MACROD1: variants seen among roughly 807,000 people sequenced by gnomAD.
MACROD1 encodes ADP-ribose glycohydrolase MACROD1.
MACROD1 carries 31 observed loss-of-function variants against 41.4 expected under a neutral mutation model. The ratio of observed to expected loss-of-function variants is 0.75; its 90% CI spans 0.56 to 1.01. The LOEUF (loss-of-function observed/expected upper bound fraction) is 1.01. Among genes scored for constraint, MACROD1 ranks in the 50% least tolerant of loss-of-function variants. The pLI is 0.00. For synonymous variants in MACROD1, 252 were observed against 203.4 expected, an observed-to-expected ratio of 1.24 and a Z score of -2.03; for missense variants, 473 against 460.0, an observed-to-expected ratio of 1.03 and a Z score of -0.26.
At chr11:64,117,032 G>C (rs1944997679) in intron 3 of MACROD1, 1 of 1,610,788 alleles carries the variant, frequency 6.2e-7, no homozygotes, top group Non-Finnish European at 8.5e-7. Context: ...AGCTCTCGCT[G>C]GTGCGCAATT....
intron 4 of MACROD1, among the ~76,000 whole-genome samples, chr11:64,006,829 C>T (rs12283313): frequency 0.046 from 6,950 of 152,248 alleles, 188 homozygotes; most frequent in Middle Eastern, 0.088. Flanking sequence ...AAAATGGAGA[C>T]GCTAATGATG....
At chr11:64,062,587 T>C (rs772869575) in intron 3 of MACROD1, among the ~76,000 whole-genome samples, 4 of 152,190 alleles carry the variant, frequency 2.6e-5, no homozygotes, top group South Asian at 2.1e-4. Context: ...AACACCACCA[T>C]GTACAGGCAC....
intron 3 of MACROD1, among the ~76,000 whole-genome samples, chr11:64,017,796 CCTCT>C (rs1263862140): frequency 6.6e-6 from 1 of 152,084 alleles, no homozygotes; most frequent in East Asian, 1.9e-4. Context: ...CCCCCCATCA[CCTCT>C]CTCTCTTAAT....
chr11:64,100,887 G>A (rs17158803), intron 3 of MACROD1, among the ~76,000 whole-genome samples: 7,308 of 152,222 alleles, frequency 0.048, 253 homozygotes, highest in East Asian at 0.18. Flanking sequence ...AGGGAAGGTG[G>A]ACTGAGGACA....
At chr11:64,157,092 G>T (rs984201710) in intron 1 of MACROD1, among the ~76,000 whole-genome samples, 7 of 149,944 alleles carry the variant, frequency 4.7e-5, no homozygotes, top group African/African-American at 9.8e-5. Flanking sequence ...GCATTTCTGT[G>T]TTTTTTTTTT....
chr11:64,121,556 C>G (rs1369423637), intron 3 of MACROD1, among the ~76,000 whole-genome samples: 2 of 152,218 alleles, frequency 1.3e-5, no homozygotes, highest in Admixed American at 1.3e-4. Flanking sequence ...AAGCTAGGTC[C>G]GTTCTGAAAC....
chr11:64,097,718 G>A (rs1302900498), intron 3 of MACROD1, among the ~76,000 whole-genome samples: 3 of 152,360 alleles, frequency 2.0e-5, no homozygotes, highest in East Asian at 3.9e-4. Flanking sequence ...GCCATGCAGC[G>A]GTGCCAAGCC....
intron 3 of MACROD1, among the ~76,000 whole-genome samples, chr11:64,031,138 C>G (rs1943288385): frequency 6.6e-6 from 1 of 152,122 alleles, no homozygotes; most frequent in African/African-American, 2.4e-5. Context: ...CTGGCAGCCT[C>G]CCCGGTGCCA....
chr11:64,022,534 T>G (rs921787695), intron 3 of MACROD1, among the ~76,000 whole-genome samples: 1 of 152,154 alleles, frequency 6.6e-6, no homozygotes, highest in Non-Finnish European at 1.5e-5. Flanking sequence ...AGGCCAGCGG[T>G]GGGTATCCGT....
intron 3 of MACROD1, among the ~76,000 whole-genome samples, chr11:64,087,960 G>A (rs533426771): frequency 6.6e-6 from 1 of 152,306 alleles, no homozygotes; most frequent in South Asian, 2.1e-4. Flanking sequence ...GGCCTCCTCA[G>A]CTGTTCGAGG....
Position 64,065,789 on chromosome 11 carries a change from C to CAAA in MACROD1, c.518-50511_518-50509dup, listed in dbSNP as rs58096977. Among the ~76,000 whole-genome samples the CAAA allele has an allele frequency of 3.1e-3, 212 of 67,514 alleles. 1 individual carries two copies. The highest frequency in any genetic ancestry group is 8.5e-3 in the African/African-American group (190 of 22,418). 44.3% of individuals were successfully genotyped at this position (67,514 alleles called of 152,430 possible). ...TGGGCGACAGAGCACGACTCCGCCT[C>CAAA]AAAAAAAAAAAAAAAAAAAAAGATG... On this transcript the variant is annotated intron_variant, in intron 3 of 10. Transcript: ENST00000255681.
chr11:64,061,582 G>A (rs1943904855), intron 3 of MACROD1, among the ~76,000 whole-genome samples: 1 of 152,212 alleles, frequency 6.6e-6, no homozygotes, highest in African/African-American at 2.4e-5. Context: ...TTGCTGCATT[G>A]GGTTATCTGT....
intron 3 of MACROD1, chr11:64,118,595 T>G (rs1376499077): frequency 4.5e-5 from 2 of 44,524 alleles, no homozygotes; most frequent in Non-Finnish European, 1.1e-4. Flanking sequence ...CTGGGTTGGG[T>G]TTTTTTTTTT....
At chr11:64,058,562 C>T (rs899516142) in intron 3 of MACROD1, among the ~76,000 whole-genome samples, 4 of 152,260 alleles carry the variant, frequency 2.6e-5, no homozygotes, top group Non-Finnish European at 5.9e-5. Context: ...CACGAGGACA[C>T]TGAAGAGGGG....
In MACROD1 at chr11:64,047,423, G is replaced by A. The variant is rs72916401; in HGVS notation, c.518-32142C>T. Among the ~76,000 whole-genome samples, 1,176 of 152,264 alleles carry A rather than the reference G, an allele frequency of 7.7e-3. 9 individuals carry two copies. Among genetic ancestry groups the A allele is most frequent in the Non-Finnish European group, 0.012 (846 of 68,022 alleles). The stretch of plus-strand genomic sequence containing the variant: ...AGATAAAGCCAGGTCCATGCCATGG[G>A]GTCCCTGTCCTGTTCCGTTTCACCC... On this transcript the variant is annotated intron_variant, in intron 3 of 10. Coordinates refer to ENST00000255681, the MANE Select transcript of MACROD1 (RefSeq NM_014067.4).
intron 3 of MACROD1, among the ~76,000 whole-genome samples, chr11:64,074,541 C>T (rs1022442824): frequency 6.6e-5 from 10 of 152,220 alleles, no homozygotes. Flanking sequence ...CAGCAAATAA[C>T]GTGTGGAGAA....
Position 64,118,606 on chromosome 11 carries a change from T to TTC in MACROD1, c.517+32632_517+32633insGA. 1.3e-5 allele frequency: 3 copies of TTC among 234,382 alleles called. No individual in the cohort carries two copies. In the East Asian group the frequency reaches 2.3e-4, roughly 18 times the overall value. The allele number at this position is 234,382 out of a possible 1,614,324, so 14.5% of individuals were successfully genotyped here. On this transcript the variant is annotated intron_variant, in intron 3 of 10. Coordinates refer to ENST00000255681, the MANE Select transcript of MACROD1 (RefSeq NM_014067.4). ...AGGGCTGGGTTGGGTTTTTTTTTTT[T>TTC]CCCCCCTGAACTGGAAGGATACTAC... is the stretch of plus-strand genomic sequence containing the variant.
intron 3 of MACROD1, among the ~76,000 whole-genome samples, chr11:64,032,270 C>G (rs1565201608): frequency 6.6e-6 from 1 of 152,318 alleles, no homozygotes; most frequent in East Asian, 1.9e-4. Flanking sequence ...TTGTATACTT[C>G]ACTGTATACG....
chr11:64,022,272 C>T (rs1211770233), intron 3 of MACROD1, among the ~76,000 whole-genome samples: 1 of 152,032 alleles, frequency 6.6e-6, no homozygotes, highest in East Asian at 1.9e-4. Context: ...TCCGGGTGAC[C>T]CCTGCCTCCG....
Sources: gnomAD v4.1 joint callset for allele counts (sites outside exome capture counted in the v4.1 genomes callset) on GRCh38, gnomAD v4.1.1 for gene constraint, MANE v1.5 for transcripts, NCBI Gene and HGNC (gene_info 2026-07-23, HGNC 2026-07-21) for gene names.